The following CASR variants were observed in gnomAD, a reference collection of about 807,000 sequenced individuals.
CASR encodes extracellular calcium-sensing receptor.
CASR carries 23 observed loss-of-function variants against 69.1 expected under a neutral mutation model. The observed-to-expected ratio is 0.33, with a 90% CI of 0.24 to 0.47. The LOEUF (loss-of-function observed/expected upper bound fraction) is 0.47. Ranked by LOEUF, CASR falls within the 20% of genes least tolerant of loss-of-function variation. The pLI, the probability that CASR is intolerant of heterozygous loss-of-function variation, is 1.00. For missense variants in CASR, 924 were observed against 1,356.1 expected (o/e 0.68, Z 5.00); for synonymous variants, 541 against 544.7 (o/e 0.99, Z 0.10).
At chr3:122,245,257 A>G (rs976502164) in intron 1 of CASR, 3 of 152,248 alleles carry the variant, frequency 2.0e-5, no homozygotes, top group Non-Finnish European at 4.4e-5. Flanking sequence ...GTACATGTTC[A>G]GTACGGATAC....
intron 1 of CASR, among the ~76,000 whole-genome samples, chr3:122,244,537 T>C (rs186052749): frequency 2.0e-5 from 3 of 152,298 alleles, no homozygotes. Context: ...ATTCTACTTA[T>C]ATAAAGTTCA....
intron 1 of CASR, among the ~76,000 whole-genome samples, chr3:122,205,404 T>C (rs2073997132): frequency 6.6e-6 from 1 of 152,134 alleles, no homozygotes; most frequent in South Asian, 2.1e-4. Context: ...TGGATTTCTA[T>C]CTGGGTTCTC....
rs200018529 is a variant in CASR, at chr3:122,254,354, G to A, written c.165G>A (p.Pro55=). 6.9e-5 allele frequency: 111 copies of A among 1,614,038 alleles called. No individual in the cohort carries two copies. The highest frequency in any genetic ancestry group is 1.6e-4 in the Middle Eastern group (1 of 6,084). The part of the protein sequence containing the change: ...AAKDQDLKSR[P]ESVECIRYNF... ...AAGATCAAGATCTCAAATCAAGGCC[G>A]GAGTCTGTGGAATGTATCAGGTAAG... The change falls in exon 2 of 7, where the codon CCG becomes CCA. Residue 55 remains proline, a synonymous_variant. Coordinates refer to ENST00000639785, the MANE Select transcript of CASR (RefSeq NM_000388.4).
At position 122,284,039 on chromosome 3, in the gene CASR, C is replaced by A; in HGVS notation, c.2085C>A (p.Ile695=). The A allele has an allele frequency of 1.2e-6, 2 of 1,614,188 alleles. No individual in the cohort carries two copies. The highest frequency in any genetic ancestry group is 1.7e-6 in the Non-Finnish European group (2 of 1,180,028). ...GCTTCGTGCTCTGCATCTCATGCAT[C>A]CTGGTGAAAACCAACCGTGTCCTCC... The part of the protein sequence containing the change: ...GISFVLCISC[I]LVKTNRVLLV... Residue 695 remains isoleucine, a synonymous_variant, in exon 7 of 7, where the codon ATC becomes ATA. Transcript: ENST00000639785.
At chr3:122,210,479 C>G (rs2074053553) in intron 1 of CASR, among the ~76,000 whole-genome samples, 1 of 152,030 alleles carries the variant, frequency 6.6e-6, no homozygotes, top group Admixed American at 6.6e-5. Flanking sequence ...GAATGAACTC[C>G]CATTAACAAT....
At chr3:122,217,147 C>T (rs2074124981) in intron 1 of CASR, among the ~76,000 whole-genome samples, 1 of 151,600 alleles carries the variant, frequency 6.6e-6, no homozygotes, top group Non-Finnish European at 1.5e-5. Context: ...GCTCTGTCAC[C>T]CATGCAGGAG....
intron 1 of CASR, among the ~76,000 whole-genome samples, chr3:122,205,608 C>T (rs2073998761): frequency 6.6e-6 from 1 of 151,966 alleles, no homozygotes; most frequent in South Asian, 2.1e-4. Context: ...TGAAGAATGT[C>T]ATTGGTCCTT....
At chr3:122,258,628 A>C (rs2074583644) in intron 3 of CASR, among the ~76,000 whole-genome samples, 1 of 152,238 alleles carries the variant, frequency 6.6e-6, no homozygotes, top group Non-Finnish European at 1.5e-5. Flanking sequence ...AAGAAAGAAC[A>C]TGAAAAGGGG....
At chr3:122,211,404 C>T (rs1172389726) in intron 1 of CASR, among the ~76,000 whole-genome samples, 1 of 151,940 alleles carries the variant, frequency 6.6e-6, no homozygotes, top group African/African-American at 2.4e-5. Flanking sequence ...AAAAAACAAC[C>T]CCATTAAAAA....
At position 122,257,340 on chromosome 3, in the gene CASR, G is replaced by A. The variant is rs749288251; in HGVS notation, c.445G>A (p.Val149Ile). 14 of 1,614,012 alleles carry A rather than the reference G, an allele frequency of 8.7e-6. No homozygotes were observed. The highest frequency in any genetic ancestry group is 2.7e-5 in the African/African-American group (2 of 74,932). Residue 149 changes from valine to isoleucine, a missense_variant, in exon 3 of 7, where the codon GTC (valine) becomes ATC (isoleucine). Around this residue, in one of 8 missense-constraint regions of CASR, gnomAD observed 141 missense variants for 283.0 expected, o/e 0.50. Transcript: ENST00000639785. Reference sequence around the variant, plus strand: ...TGTGGTGGGAGCAACTGGCTCAGGCGTCTCCACGGCAGTGGCAAATCTGCT... The same window carrying A: ...TGTGGTGGGAGCAACTGGCTCAGGCATCTCCACGGCAGTGGCAAATCTGCT... ...IAVVGATGSG[V>I]STAVANLLGL...
chr3:122,288,825 G>A lies in CASR; in HGVS notation c.*3634G>A, dbSNP rs1300565856. On this transcript the variant is annotated 3_prime_UTR_variant, in exon 7 of 7. Transcript: ENST00000639785. ...ATTTCTTAGGTTTTGTTAACAATGG[G>A]AAACTGCTTACATTTCTTTTGAAAA... is the stretch of plus-strand genomic sequence containing the variant. 1.3e-5 allele frequency: 2 copies of A among 151,978 alleles called. No homozygotes were observed. Among genetic ancestry groups the A allele is most frequent in the Non-Finnish European group, 1.5e-5 (1 of 68,008 alleles). The allele number at this position is 151,978 out of a possible 1,614,324, so 9.4% of individuals were successfully genotyped here. A position where few individuals can be genotyped will look rare whatever the true frequency, so the allele number is the denominator to read the frequency against.
At chr3:122,269,262 C>T (rs1307325051) in intron 4 of CASR, among the ~76,000 whole-genome samples, 3 of 152,192 alleles carry the variant, frequency 2.0e-5, no homozygotes, top group Admixed American at 2.0e-4. Flanking sequence ...CCAGTATAAT[C>T]TTGTATAGAT....
At chr3:122,248,602 C>T (rs1282335075) in intron 1 of CASR, among the ~76,000 whole-genome samples, 2 of 147,734 alleles carry the variant, frequency 1.4e-5, no homozygotes, top group African/African-American at 5.0e-5. Context: ...TTCTAGGCAA[C>T]CTAGAATTTT....
At chr3:122,246,393 A>G (rs544990805) in intron 1 of CASR, 2 of 152,362 alleles carry the variant, frequency 1.3e-5, no homozygotes, top group African/African-American at 4.8e-5. Flanking sequence ...ATTTAAAATA[A>G]TGCACACGTA....
Position 122,262,068 on chromosome 3 carries a change from A to G in CASR, c.1033A>G (p.Asn345Asp), listed in dbSNP as rs760506005. The G allele has an allele frequency of 4.3e-6, 7 of 1,614,064 alleles. No homozygotes were observed. The African/African-American group carries it at 6.7e-5, about 15-fold the overall frequency. ...GGTCCATCCCAGGAAGTCTGTCCAC[A>G]ATGGTTTTGCCAAGGAGTTTTGGGA... is the stretch of plus-strand genomic sequence containing the variant. ...KKVHPRKSVH[N>D]GFAKEFWEET... Residue 345 changes from asparagine to aspartate, a missense_variant, in exon 4 of 7, where the codon AAT (asparagine) becomes GAT (aspartate). This residue lies in a region of CASR where 310 missense variants were observed against 395.7 expected (regional missense o/e 0.78). Transcript: ENST00000639785.
At chr3:122,206,787 C>G (rs984692990) in intron 1 of CASR, among the ~76,000 whole-genome samples, 8 of 152,102 alleles carry the variant, frequency 5.3e-5, no homozygotes, top group African/African-American at 1.9e-4. Context: ...TGCATTTCCT[C>G]ATGTTTCAAC....
chr3:122,252,358 AGAAAGAAGGAAGGAAG>A (rs1481901901), intron 1 of CASR, among the ~76,000 whole-genome samples: 34 of 53,388 alleles, frequency 6.4e-4, no homozygotes, highest in Non-Finnish European at 7.7e-4. Context: ...AAAGAAAGAA[AGAAAGAAGGAAGGAAG>A]GAAGGAAGGA....
intron 5 of CASR, among the ~76,000 whole-genome samples, chr3:122,276,607 T>C (rs1286127564): frequency 6.6e-6 from 1 of 152,216 alleles, no homozygotes; most frequent in Non-Finnish European, 1.5e-5. Flanking sequence ...TGGAGCTGGA[T>C]GTTTTCACCT....
chr3:122,184,146 G>A (rs1372224363), intron 1 of CASR: 1 of 152,316 alleles, frequency 6.6e-6, no homozygotes, highest in Non-Finnish European at 1.5e-5. Flanking sequence ...GCTCTCTGCG[G>A]GCTAAGGAGA....
Sources: allele counts gnomAD v4.1 joint callset (sites outside exome capture counted in the v4.1 genomes callset), GRCh38; gene constraint gnomAD v4.1.1; regional missense constraint gnomAD v4.1.1; transcripts MANE v1.5; gene names NCBI Gene and HGNC (gene_info 2026-07-23, HGNC 2026-07-21).